ARHGAP44: variants seen among roughly 807,000 people sequenced by gnomAD.
ARHGAP44 encodes rho GTPase-activating protein 44.
ARHGAP44 carries 43 observed loss-of-function variants against 106.8 expected under a neutral mutation model. The ratio of observed to expected loss-of-function variants is 0.40; its 90% CI spans 0.32 to 0.52. The LOEUF (loss-of-function observed/expected upper bound fraction) is 0.52, where lower values mean the gene tolerates loss of function less well. Ranked by LOEUF, ARHGAP44 falls within the 20% of genes least tolerant of loss-of-function variation. The probability of loss-of-function intolerance (pLI) is 0.48; values close to 1 mark genes in which losing one functional copy is unlikely to be tolerated. For missense variants in ARHGAP44, 866 were observed against 1,050.5 expected (o/e 0.82, Z 2.43); for synonymous variants, 439 against 410.3 (o/e 1.07, Z -0.85).
intron 4 of ARHGAP44, among the ~76,000 whole-genome samples, chr17:12,912,988 C>CCTCT (rs2037785975): frequency 6.6e-6 from 1 of 152,192 alleles, no homozygotes; most frequent in East Asian, 1.9e-4. Flanking sequence ...CAATACAAGA[C>CCTCT]AGAGGAAGAG....
chr17:12,952,978 A>G (rs2039034266), intron 13 of ARHGAP44, among the ~76,000 whole-genome samples: 1 of 152,026 alleles, frequency 6.6e-6, no homozygotes, highest in Non-Finnish European at 1.5e-5. Context: ...AGATAAGGAA[A>G]TGGACTCAAA....
At chr17:12,868,590 T>TA (rs1448903809) in intron 1 of ARHGAP44, among the ~76,000 whole-genome samples, 1,701 of 18,970 alleles carry the variant, frequency 0.09, 64 homozygotes, top group South Asian at 0.21. Flanking sequence ...ATATATGCAT[T>TA]TTATATATAT....
intron 16 of ARHGAP44, among the ~76,000 whole-genome samples, chr17:12,972,160 C>T (rs575007836): frequency 1.2e-3 from 185 of 152,238 alleles, no homozygotes; most frequent in Admixed American, 2.3e-3. Context: ...TGTGCAGATA[C>T]GTGATAGAGA....
intron 1 of ARHGAP44, among the ~76,000 whole-genome samples, chr17:12,819,858 T>G (rs2034713202): frequency 6.6e-6 from 1 of 152,110 alleles, no homozygotes; most frequent in Non-Finnish European, 1.5e-5. Context: ...GCCCCCTCAT[T>G]GTTGCTTGCC....
intron 1 of ARHGAP44, among the ~76,000 whole-genome samples, chr17:12,850,648 C>T (rs1437570079): frequency 6.6e-6 from 1 of 152,178 alleles, no homozygotes; most frequent in African/African-American, 2.4e-5. Flanking sequence ...TTGGCACCAG[C>T]ACTCACAGCC....
At chr17:12,897,524 C>T (rs561221646) in intron 3 of ARHGAP44, among the ~76,000 whole-genome samples, 9 of 151,600 alleles carry the variant, frequency 5.9e-5, no homozygotes, top group Non-Finnish European at 1.2e-4. Flanking sequence ...ACTTTCACAG[C>T]TCTGAAAAAT....
intron 7 of ARHGAP44, among the ~76,000 whole-genome samples, chr17:12,933,241 GT>G (rs1672830430): frequency 6.6e-6 from 1 of 152,172 alleles, no homozygotes; most frequent in Non-Finnish European, 1.5e-5. Flanking sequence ...GCAGGCAAGT[GT>G]TTGGGATCTC....
chr17:12,929,101 T>A (rs2038329077), intron 7 of ARHGAP44, 55 bp downstream of exon 7: 1 of 1,504,288 alleles, frequency 6.6e-7, no homozygotes. Context: ...CCCTCAGGGA[T>A]TCCCTTTTTG....
At chr17:12,943,968 T>G in intron 9 of ARHGAP44, 101 bp from the exon 10 acceptor site, 1 of 1,414,522 alleles carries the variant, frequency 7.1e-7, no homozygotes, top group Non-Finnish European at 9.4e-7. Flanking sequence ...CTCCCTCTCT[T>G]TGGTAATCTT....
chr17:12,935,064 G>A (rs553116502), intron 7 of ARHGAP44, among the ~76,000 whole-genome samples: 15 of 152,138 alleles, frequency 9.9e-5, no homozygotes, highest in Admixed American at 3.3e-4. Flanking sequence ...AATTTATATC[G>A]GACAGAACTT....
In ARHGAP44 at chr17:12,822,528, C is replaced by T. The variant is rs183856406; in HGVS notation, c.53+32637C>T. On this transcript the variant is annotated intron_variant, in intron 1 of 20. Coordinates refer to ENST00000379672, the MANE Select transcript of ARHGAP44 (RefSeq NM_014859.6). ...AGAGGTCTATGAAGCATAAGTAAGG[C>T]CATACTCTATTTAATAAAGCATTAC... Among the ~76,000 whole-genome samples, 8 of 152,164 alleles carry T rather than the reference C, an allele frequency of 5.3e-5. No homozygotes were observed. The East Asian group carries it at 1.5e-3, about 29-fold the overall frequency.
chr17:12,853,843 C>T (rs1341252296), intron 1 of ARHGAP44, among the ~76,000 whole-genome samples: 2 of 152,210 alleles, frequency 1.3e-5, no homozygotes, highest in Admixed American at 6.5e-5. Context: ...CTGTCTCCTG[C>T]CCTTCCTTTT....
chr17:12,968,237 C>G (rs894379206), intron 16 of ARHGAP44, among the ~76,000 whole-genome samples: 1 of 152,278 alleles, frequency 6.6e-6, no homozygotes, highest in South Asian at 2.1e-4. Context: ...ATGTTTTTAT[C>G]TGTCTCCACC....
chr17:12,947,371 C>G (rs528306968), intron 10 of ARHGAP44, among the ~76,000 whole-genome samples: 1 of 152,258 alleles, frequency 6.6e-6, no homozygotes, highest in East Asian at 1.9e-4. Flanking sequence ...TGGCCTCTGA[C>G]CACAGGGGCA....
intron 1 of ARHGAP44, among the ~76,000 whole-genome samples, chr17:12,802,963 A>T (rs1241285098): frequency 0.13 from 2,842 of 22,098 alleles, 505 homozygotes; most frequent in African/African-American, 0.4. Context: ...ATATATATAT[A>T]TATATATTTT....
At chr17:12,962,862 A>C (rs769002940) in intron 16 of ARHGAP44, among the ~76,000 whole-genome samples, 16 of 152,166 alleles carry the variant, frequency 1.1e-4, no homozygotes, top group Non-Finnish European at 1.8e-4. Context: ...CCTGAACAAC[A>C]TGGAGAAACC....
In ARHGAP44 at chr17:12,944,460, A is replaced by G. The variant is rs564753896; in HGVS notation, c.861+264A>G. Among the ~76,000 whole-genome samples, 5 of 151,638 alleles carry G rather than the reference A, an allele frequency of 3.3e-5. No homozygotes were observed. The East Asian group carries it at 5.8e-4, about 18-fold the overall frequency. On this transcript the variant is annotated intron_variant, in intron 10 of 20. Transcript: ENST00000379672. The stretch of plus-strand genomic sequence containing the variant: ...TAGTCATTCTTTCCCCTGGTTTAAC[A>G]TGTTTGGATAATTTGGGCATTCTGC...
At chr17:12,852,277 C>CTTTTTTTT (rs66824907) in intron 1 of ARHGAP44, among the ~76,000 whole-genome samples, 1 of 73,580 alleles carries the variant, frequency 1.4e-5, no homozygotes, top group African/African-American at 6.2e-5. Flanking sequence ...ACTTTTGAAG[C>CTTTTTTTT]TTTTTTTTTT....
At chr17:12,944,410 C>T (rs2038793674) in intron 10 of ARHGAP44, among the ~76,000 whole-genome samples, 1 of 152,062 alleles carries the variant, frequency 6.6e-6, no homozygotes, top group Non-Finnish European at 1.5e-5. Context: ...ATTGTGATGG[C>T]CATGAGGAAC....
Sources: allele counts gnomAD v4.1 joint callset (sites outside exome capture counted in the v4.1 genomes callset), GRCh38; gene constraint gnomAD v4.1.1; transcripts MANE v1.5; gene names NCBI Gene and HGNC (gene_info 2026-07-23, HGNC 2026-07-21).